The following TK2 variants were observed in gnomAD, a reference collection of about 807,000 sequenced individuals.
TK2 encodes the protein thymidine kinase 2, mitochondrial.
A neutral mutation model predicts 41.9 loss-of-function variants in TK2; 35 were observed. That is an observed-to-expected ratio of 0.84 (90% confidence interval 0.64 to 1.11). The LOEUF is 1.11. Among genes scored for constraint, TK2 ranks in the 50% least tolerant of loss-of-function variants. The pLI is 0.00. For missense variants in TK2, 320 were observed against 351.1 expected (o/e 0.91, Z 0.71); for synonymous variants, 128 against 129.1 (o/e 0.99, Z 0.06).
At chr16:66,520,513 A>C (rs2144366577) in intron 6 of TK2, among the ~76,000 whole-genome samples, 1 of 152,302 alleles carries the variant, frequency 6.6e-6, no homozygotes, top group Non-Finnish European at 1.5e-5. Flanking sequence ...AATTTGGATT[A>C]GGCAGGCGTG....
At chr16:66,533,886 T>C (rs1457457272) in intron 4 of TK2, among the ~76,000 whole-genome samples, 2 of 150,922 alleles carry the variant, frequency 1.3e-5, no homozygotes, top group Admixed American at 6.6e-5. Flanking sequence ...TGGGCGCCTG[T>C]AGTCCCAGCT....
chr16:66,546,477 C>T (rs1319453066), intron 2 of TK2: 1 of 152,118 alleles, frequency 6.6e-6, no homozygotes, highest in Non-Finnish European at 1.5e-5. Flanking sequence ...TTACATGCTC[C>T]TTGTTAACCC....
At chr16:66,515,872 G>A (rs956290858) in intron 8 of TK2, among the ~76,000 whole-genome samples, 2 of 152,184 alleles carry the variant, frequency 1.3e-5, no homozygotes, top group African/African-American at 2.4e-5. Context: ...ACAAGGCTGA[G>A]CAGGATTTCA....
chr16:66,547,960 C>T lies in TK2; in HGVS notation c.156+1018G>A, dbSNP rs188237583. The T allele has an allele frequency of 9.5e-5, 123 of 1,288,764 alleles. No homozygotes were observed. The African/African-American group carries it at 1.7e-3, about 18-fold the overall frequency. 79.8% of individuals were successfully genotyped at this position (1,288,764 alleles called of 1,614,324 possible). On this transcript the variant is annotated intron_variant, in intron 2 of 9. Transcript: ENST00000544898. ...TCAATAACTAATAAATAGCCAGGCACAGTGGCTCACACTTGTCATCACAGC... is the reference window on the plus strand; with the variant it reads ...TCAATAACTAATAAATAGCCAGGCATAGTGGCTCACACTTGTCATCACAGC...
chr16:66,531,075 G>C (rs1965095475), intron 5 of TK2, among the ~76,000 whole-genome samples: 1 of 152,170 alleles, frequency 6.6e-6, no homozygotes, highest in Non-Finnish European at 1.5e-5. Flanking sequence ...TGCTGGTCCA[G>C]GGACCACACT....
chr16:66,512,189 G>T (rs1220387428), intron 9 of TK2, 123 bp from the exon 10 acceptor site: 2 of 881,872 alleles, frequency 2.3e-6, no homozygotes, highest in African/African-American at 3.3e-5. Flanking sequence ...AAGGTTGCAG[G>T]CAGATAAAAA....
At chr16:66,524,553 G>A (rs1964873791) in intron 6 of TK2, among the ~76,000 whole-genome samples, 1 of 152,076 alleles carries the variant, frequency 6.6e-6, no homozygotes, top group Admixed American at 6.5e-5. Flanking sequence ...GCCCAGGCTG[G>A]TCTCGAACTC....
intron 3 of TK2, among the ~76,000 whole-genome samples, chr16:66,539,201 C>A (rs1965377884): frequency 6.6e-6 from 1 of 152,016 alleles, no homozygotes; most frequent in Admixed American, 6.6e-5. Context: ...AGTCCCCAAG[C>A]CCCCCCTCCT....
chr16:66,513,246 C>T (rs970477557), intron 9 of TK2, among the ~76,000 whole-genome samples: 2 of 152,156 alleles, frequency 1.3e-5, no homozygotes, highest in Admixed American at 6.5e-5. Context: ...AACACAGGAA[C>T]GCAGAGACAT....
intron 3 of TK2, among the ~76,000 whole-genome samples, chr16:66,540,173 C>CT (rs200305417): frequency 0.031 from 4,065 of 130,700 alleles, 219 homozygotes; most frequent in East Asian, 0.23. Flanking sequence ...TTTCTTTTTT[C>CT]TTTTTTTTTT....
intron 2 of TK2, chr16:66,547,993 G>A: frequency 7.8e-7 from 1 of 1,284,022 alleles, no homozygotes; most frequent in South Asian, 1.2e-5. Flanking sequence ...AGCTACTCAG[G>A]AGGCTGATGC....
intron 4 of TK2, among the ~76,000 whole-genome samples, chr16:66,535,680 A>C (rs778248190): frequency 1.1e-4 from 17 of 152,336 alleles, no homozygotes; most frequent in Non-Finnish European, 2.2e-4. Context: ...GCAGGAGAGC[A>C]AGGGCTTTGA....
At chr16:66,524,394 G>A (rs1964868641) in intron 6 of TK2, among the ~76,000 whole-genome samples, 2 of 152,094 alleles carry the variant, frequency 1.3e-5, no homozygotes, top group Non-Finnish European at 2.9e-5. Flanking sequence ...GGAGTGCAGT[G>A]GTATGCTCAT....
In TK2 at chr16:66,511,901, T is replaced by C. The variant is rs761670128; in HGVS notation, c.*67A>G. 20 of 1,460,778 alleles carry C rather than the reference T, an allele frequency of 1.4e-5. No individual in the cohort carries two copies. The highest frequency in any genetic ancestry group is 1.9e-5 in the Non-Finnish European group (20 of 1,041,872). 90.5% of individuals were successfully genotyped at this position (1,460,778 alleles called of 1,614,324 possible). On this transcript the variant is annotated 3_prime_UTR_variant, in exon 10 of 10. Coordinates refer to ENST00000544898, the MANE Select transcript of TK2 (RefSeq NM_004614.5). ...CCTCCTGGGAGCAAGTTTTTCCAGATTGCTCCCAATAGCTAACTTGGCAGC... is the reference window on the plus strand; with the variant it reads ...CCTCCTGGGAGCAAGTTTTTCCAGACTGCTCCCAATAGCTAACTTGGCAGC...
At chr16:66,537,679 C>G (rs1965329244) in intron 3 of TK2, among the ~76,000 whole-genome samples, 1 of 152,228 alleles carries the variant, frequency 6.6e-6, no homozygotes, top group Non-Finnish European at 1.5e-5. Context: ...ACACACAAAT[C>G]TGGGACAACC....
intron 9 of TK2, among the ~76,000 whole-genome samples, chr16:66,512,848 G>A (rs1964491848): frequency 6.6e-6 from 1 of 152,152 alleles, no homozygotes; most frequent in Non-Finnish European, 1.5e-5. Flanking sequence ...CTGCCTGCAA[G>A]AGCCATAAGC....
chr16:66,547,437 CCCAG>C (rs1009623873), intron 2 of TK2, among the ~76,000 whole-genome samples: 5 of 152,152 alleles, frequency 3.3e-5, no homozygotes, highest in African/African-American at 1.2e-4. Flanking sequence ...GCACCTATCC[CCCAG>C]CCCTCCCCAG....
intron 2 of TK2, 54 bp downstream of exon 2, chr16:66,548,924 T>G: frequency 6.5e-7 from 1 of 1,543,934 alleles, no homozygotes; most frequent in Non-Finnish European, 8.9e-7. Flanking sequence ...TTTTTCTCTC[T>G]CCTCTTCAAA....
chr16:66,514,012 C>A lies in TK2; in HGVS notation c.619-201G>T, dbSNP rs1350058171. On this transcript the variant is annotated intron_variant, in intron 8 of 9. Transcript: ENST00000544898. The surrounding 1 kb of genome is among the most constrained non-coding windows in gnomAD (Gnocchi z 4.2). ...GGTGGCCAGGCTGAGCAAAACAGCACAAGTGTCACCAGCCACCCTGCTCTG... is the reference window on the plus strand; with the variant it reads ...GGTGGCCAGGCTGAGCAAAACAGCAAAAGTGTCACCAGCCACCCTGCTCTG... The A allele has an allele frequency of 1.5e-6, 1 of 665,260 alleles. No homozygotes were observed. Among genetic ancestry groups the A allele is most frequent in the Non-Finnish European group, 2.8e-6 (1 of 363,018 alleles). The allele number at this position is 665,260 out of a possible 1,614,324, so 41.2% of individuals were successfully genotyped here.
Sources: gnomAD v4.1 joint callset for allele counts (sites outside exome capture counted in the v4.1 genomes callset) on GRCh38, gnomAD v4.1.1 for gene constraint, Gnocchi (gnomAD v3.1) non-coding constraint, MANE v1.5 for transcripts, NCBI Gene and HGNC (gene_info 2026-07-23, HGNC 2026-07-21) for gene names.